Variants in RFWD3 observed in about 807,000 individuals in gnomAD.
RFWD3 encodes the protein ring finger and WD repeat domain 3, also known as E3 ubiquitin-protein ligase RFWD3.
A neutral mutation model predicts 87.7 loss-of-function variants in RFWD3; 65 were observed. That is an observed-to-expected ratio of 0.74 (90% CI 0.61 to 0.91). The LOEUF is 0.91. RFWD3 is among the 40% of genes least tolerant of loss of function. RFWD3 has a pLI of 0.00. For synonymous variants in RFWD3, 433 were observed against 352.8 expected, an observed-to-expected ratio of 1.23 and a Z score of -2.55; for missense variants, 1,078 against 938.5, an observed-to-expected ratio of 1.15 and a Z score of -1.94.
In RFWD3 at chr16:74,641,353, G is replaced by C. The variant is rs909865922; in HGVS notation, c.1079+3009C>G. ...AATTTTTGTATTTTTAGTAGAAATG[G>C]GGTTTCACCATGTTGGCCAGGCTGG... On this transcript the variant is annotated intron_variant, in intron 6 of 12. Transcript: ENST00000361070. Among the ~76,000 whole-genome samples the C allele has an allele frequency of 1.2e-4, 19 of 152,034 alleles. 2 individuals carry two copies. Among genetic ancestry groups the C allele is most frequent in the Admixed American group, 1.0e-3 (16 of 15,274 alleles).
At chr16:74,653,098 G>A (rs1194115471) in intron 2 of RFWD3, among the ~76,000 whole-genome samples, 1 of 152,152 alleles carries the variant, frequency 6.6e-6, no homozygotes, top group Non-Finnish European at 1.5e-5. Flanking sequence ...TAGCACTTTG[G>A]GAGGCCAAGG....
At chr16:74,643,807 C>T (rs1959873780) in intron 6 of RFWD3, among the ~76,000 whole-genome samples, 1 of 151,788 alleles carries the variant, frequency 6.6e-6, no homozygotes, top group Non-Finnish European at 1.5e-5. Flanking sequence ...TCCTCAGTAG[C>T]TGGGATTACA....
chr16:74,639,525 A>G (rs2144146119), intron 6 of RFWD3, among the ~76,000 whole-genome samples: 1 of 152,376 alleles, frequency 6.6e-6, no homozygotes, highest in Non-Finnish European at 1.5e-5. Flanking sequence ...GAAAGACACA[A>G]GAAAACAGTG....
rs185697155 is a variant in RFWD3, at chr16:74,656,536, G to A, written c.518+4396C>T. ...CTGGCTCTGTCACCCAGGCTGGAGT[G>A]CAGTGGCATGATATTGGCTCATTGG... On this transcript the variant is annotated intron_variant, in intron 2 of 12. Coordinates refer to ENST00000361070, the MANE Select transcript of RFWD3 (RefSeq NM_018124.4). Among the ~76,000 whole-genome samples, 368 of 152,044 alleles carry A rather than the reference G, an allele frequency of 2.4e-3. 1 individual carries two copies. The highest frequency in any genetic ancestry group is 8.3e-3 in the African/African-American group (346 of 41,492).
At chr16:74,665,752 C>CTT (rs141723558) in intron 1 of RFWD3, among the ~76,000 whole-genome samples, 232 of 138,970 alleles carry the variant, frequency 1.7e-3, no homozygotes, top group African/African-American at 6.2e-3. Context: ...TTCTTTCTTT[C>CTT]TTTCTTTTTT....
intron 9 of RFWD3, among the ~76,000 whole-genome samples, chr16:74,631,639 G>T (rs1226288322): frequency 6.6e-6 from 1 of 152,184 alleles, no homozygotes; most frequent in Non-Finnish European, 1.5e-5. Flanking sequence ...GGGTATAAAA[G>T]AAGTCATCAT....
intron 4 of RFWD3, among the ~76,000 whole-genome samples, chr16:74,648,284 C>G (rs1243523812): frequency 1.3e-5 from 2 of 151,762 alleles, no homozygotes; most frequent in African/African-American, 4.8e-5. Context: ...ACCTGGACCT[C>G]TTGCCTACAA....
In RFWD3 at chr16:74,622,929, T is replaced by C. The variant is rs1018284189; in HGVS notation, c.*999A>G. On this transcript the variant is annotated 3_prime_UTR_variant, in exon 13 of 13. Transcript: ENST00000361070. ...CCCTCAGTCTGAGGAATTGGCTTTA[T>C]TTAGATAGGAACTCTCAAAATGGGA... 7.9e-5 allele frequency: 12 copies of C among 152,248 alleles called. No homozygotes were observed. Among genetic ancestry groups the C allele is most frequent in the Non-Finnish European group, 1.5e-4 (10 of 68,046 alleles). 9.4% of individuals were successfully genotyped at this position (152,248 alleles called of 1,614,324 possible). A position where few individuals can be genotyped will look rare whatever the true frequency, so the allele number is the denominator to read the frequency against.
In RFWD3 at chr16:74,650,175, C is replaced by G. The variant is rs80079199; in HGVS notation, c.722-973G>C. Among the ~76,000 whole-genome samples, 4 of 152,300 alleles carry G rather than the reference C, an allele frequency of 2.6e-5. No homozygotes were observed. In the East Asian group the frequency reaches 7.7e-4, roughly 29 times the overall value. On this transcript the variant is annotated intron_variant, in intron 3 of 12. Coordinates refer to ENST00000361070, the MANE Select transcript of RFWD3 (RefSeq NM_018124.4). ...CCACTGATTTGAGATATTCCCTTCA[C>G]AATATGTTAAATTTCCATATATATT...
chr16:74,629,905 T>G (rs944847885), intron 10 of RFWD3, among the ~76,000 whole-genome samples: 3 of 152,226 alleles, frequency 2.0e-5, no homozygotes, highest in Non-Finnish European at 4.4e-5. Context: ...GACAGAGTGG[T>G]GCTGGTGGCC....
intron 2 of RFWD3, among the ~76,000 whole-genome samples, chr16:74,657,717 G>A (rs564953740): frequency 8.4e-4 from 127 of 152,054 alleles, no homozygotes; most frequent in African/African-American, 2.9e-3. Flanking sequence ...CAGGTGATTC[G>A]CCTGCCTCAG....
chr16:74,630,994 G>A, intron 9 of RFWD3, 37 bp from the exon 10 acceptor site: 1 of 1,545,464 alleles, frequency 6.5e-7, no homozygotes, highest in Non-Finnish European at 8.8e-7. Context: ...ACTGCATTAA[G>A]AAAATCAAAT....
chr16:74,648,608 C>A (rs1297052984), intron 4 of RFWD3, among the ~76,000 whole-genome samples: 1 of 151,242 alleles, frequency 6.6e-6, no homozygotes, highest in African/African-American at 2.4e-5. Flanking sequence ...CCGTCTCTAA[C>A]TTAAAAGACA....
chr16:74,644,562 T>C lies in RFWD3; in HGVS notation c.966A>G (p.Gly322=). Residue 322 remains glycine (G), a synonymous_variant, in exon 5 of 13, where the codon GGA becomes GGG. Coordinates refer to ENST00000361070, the MANE Select transcript of RFWD3 (RefSeq NM_018124.4). ...TTACCTGGGGACATTTTCGTACTTG[T>C]CCTTTAAGCCACGTGGAAATGCACC... ...GYRCISTWLK[G]QVRKCPQCNK... is the part of the protein sequence containing the mutation. 6.2e-7 allele frequency: 1 copy of C among 1,614,176 alleles called. No homozygotes were observed. The highest frequency in any genetic ancestry group is 8.5e-7 in the Non-Finnish European group (1 of 1,180,034).
intron 10 of RFWD3, among the ~76,000 whole-genome samples, chr16:74,629,982 T>A (rs1276213460): frequency 6.6e-6 from 1 of 152,204 alleles, no homozygotes; most frequent in East Asian, 1.9e-4. Context: ...AAATGATAAA[T>A]AATAATAATA....
chr16:74,665,989 C>CTTTTCTCTTTATAACACCT (rs942848212), intron 1 of RFWD3, among the ~76,000 whole-genome samples: 2 of 151,930 alleles, frequency 1.3e-5, no homozygotes, highest in African/African-American at 2.4e-5. Flanking sequence ...TGAGCCACCG[C>CTTTTCTCTTTATAACACCT]TTTTCTCTTT....
chr16:74,641,550 T>C (rs1883872349), intron 6 of RFWD3, among the ~76,000 whole-genome samples: 2 of 152,072 alleles, frequency 1.3e-5, no homozygotes, highest in Admixed American at 6.6e-5. Context: ...AACTAGGATA[T>C]ACTCCCAAAG....
At chr16:74,639,036 CT>C (rs564298799) in intron 6 of RFWD3, among the ~76,000 whole-genome samples, 1,485 of 132,058 alleles carry the variant, frequency 0.011, 11 homozygotes, top group South Asian at 0.019. Context: ...TGAGCTAAGA[CT>C]TTTTTTTTTT....
chr16:74,656,895 G>C (rs534503848), intron 2 of RFWD3, among the ~76,000 whole-genome samples: 1 of 152,322 alleles, frequency 6.6e-6, no homozygotes, highest in Admixed American at 6.5e-5. Context: ...CTTCAGTTAA[G>C]AAAGTAACTG....
Sources: allele counts gnomAD v4.1 joint callset (sites outside exome capture counted in the v4.1 genomes callset), GRCh38; gene constraint gnomAD v4.1.1; transcripts MANE v1.5; gene names NCBI Gene and HGNC (gene_info 2026-07-23, HGNC 2026-07-21).